WWP2: variants seen among roughly 807,000 people sequenced by gnomAD.
WWP2 encodes NEDD4-like E3 ubiquitin-protein ligase WWP2.
In WWP2, 57 loss-of-function variants were observed where a neutral mutation model predicts 121.0. The observed-to-expected ratio is 0.47, with a 90% CI of 0.38 to 0.59. The LOEUF is 0.59. Ranked by LOEUF, WWP2 falls within the 20% of genes least tolerant of loss-of-function variation. The probability of loss-of-function intolerance (pLI) is 0.00; values close to 1 mark genes in which losing one functional copy is unlikely to be tolerated. For synonymous variants in WWP2, 449 were observed against 441.3 expected (o/e 1.02, Z -0.22); for missense variants, 962 against 1,158.9 (o/e 0.83, Z 2.47).
intron 6 of WWP2, among the ~76,000 whole-genome samples, chr16:69,858,483 G>A (rs927843214): frequency 2.6e-5 from 4 of 152,072 alleles, no homozygotes; most frequent in Admixed American, 6.6e-5. Context: ...CCTGAGATGC[G>A]ATAATTTGAG....
chr16:69,837,623 G>A (rs1485965159), intron 4 of WWP2, among the ~76,000 whole-genome samples: 1 of 151,960 alleles, frequency 6.6e-6, no homozygotes, highest in Non-Finnish European at 1.5e-5. Context: ...CTCTCCTGTT[G>A]AACATTATCA....
intron 1 of WWP2, among the ~76,000 whole-genome samples, chr16:69,786,677 C>T (rs1367469616): frequency 1.3e-5 from 2 of 151,568 alleles, no homozygotes; most frequent in Non-Finnish European, 2.9e-5. Context: ...TCTCAAACTC[C>T]TGACCTCAGG....
chr16:69,920,977 G>A (rs963968730), intron 10 of WWP2, among the ~76,000 whole-genome samples: 1 of 151,976 alleles, frequency 6.6e-6, no homozygotes, highest in East Asian at 1.9e-4. Context: ...CATTATTCTG[G>A]GTTTATAGAG....
intron 7 of WWP2, among the ~76,000 whole-genome samples, chr16:69,880,816 C>T (rs1021076100): frequency 6.6e-6 from 1 of 152,188 alleles, no homozygotes; most frequent in Admixed American, 6.5e-5. Flanking sequence ...GTAGAAAGAA[C>T]TTCTGTTGTT....
intron 6 of WWP2, among the ~76,000 whole-genome samples, chr16:69,867,457 C>T (rs1222386444): frequency 6.6e-6 from 1 of 152,176 alleles, no homozygotes; most frequent in Admixed American, 6.5e-5. Flanking sequence ...TTCAGCGGCC[C>T]TCATGAAGGG....
chr16:69,939,509 C>A, intron 23 of WWP2, 96 bp downstream of exon 23: 2 of 1,351,676 alleles, frequency 1.5e-6, no homozygotes, highest in Non-Finnish European at 1.0e-6. Context: ...AGCCTCGAGT[C>A]TGGCAGCTTT....
At chr16:69,841,015 T>C (rs2056967564) in intron 5 of WWP2, among the ~76,000 whole-genome samples, 1 of 152,212 alleles carries the variant, frequency 6.6e-6, no homozygotes, top group Admixed American at 6.5e-5. Context: ...TTAACTGGAC[T>C]GATCGGTGTT....
At chr16:69,902,038 T>G (rs1157343029) in intron 8 of WWP2, among the ~76,000 whole-genome samples, 1 of 152,246 alleles carries the variant, frequency 6.6e-6, no homozygotes, top group Non-Finnish European at 1.5e-5. Flanking sequence ...TTAATCCTAT[T>G]CTTGGTGAAA....
intron 4 of WWP2, among the ~76,000 whole-genome samples, chr16:69,804,087 T>C (rs2056227209): frequency 6.6e-6 from 1 of 152,228 alleles, no homozygotes; most frequent in Non-Finnish European, 1.5e-5. Flanking sequence ...GAAAGAACTC[T>C]TTATTTGTTA....
intron 10 of WWP2, among the ~76,000 whole-genome samples, chr16:69,918,655 C>T (rs2058510545): frequency 6.6e-6 from 1 of 152,206 alleles, no homozygotes; most frequent in African/African-American, 2.4e-5. Context: ...TCTGCCCCTT[C>T]CCATCTGAAT....
At chr16:69,898,892 C>T (rs151115785) in intron 8 of WWP2, among the ~76,000 whole-genome samples, 49 of 152,216 alleles carry the variant, frequency 3.2e-4, no homozygotes, top group African/African-American at 9.4e-4. Flanking sequence ...TTAGTAGAGA[C>T]GGGAATTCAC....
At chr16:69,820,010 C>T (rs1017330321) in intron 4 of WWP2, among the ~76,000 whole-genome samples, 4 of 151,982 alleles carry the variant, frequency 2.6e-5, no homozygotes, top group African/African-American at 7.3e-5. Flanking sequence ...GAGGCTGAGG[C>T]GGGGGCAGGG....
chr16:69,834,289 C>G (rs903492236), intron 4 of WWP2, among the ~76,000 whole-genome samples: 2 of 152,166 alleles, frequency 1.3e-5, no homozygotes, highest in African/African-American at 4.8e-5. Flanking sequence ...GGCATGCTCT[C>G]TCACCTAGCA....
intron 4 of WWP2, among the ~76,000 whole-genome samples, chr16:69,820,316 A>T (rs2056569563): frequency 6.6e-6 from 1 of 152,130 alleles, no homozygotes. Context: ...ATCTCAGCTC[A>T]CTGCAACCTC....
intron 1 of WWP2, among the ~76,000 whole-genome samples, chr16:69,769,874 C>CTTTTT (rs71151134): frequency 9.8e-6 from 1 of 102,236 alleles, no homozygotes; most frequent in Non-Finnish European, 2.1e-5. Flanking sequence ...TGATCAGTGT[C>CTTTTT]TTTTTTTTTT....
intron 4 of WWP2, among the ~76,000 whole-genome samples, chr16:69,811,965 A>G (rs2056400117): frequency 6.6e-6 from 1 of 152,134 alleles, no homozygotes. Context: ...CTACAGTACA[A>G]TTAACAAAAC....
At chr16:69,801,621 C>T (rs935458375) in intron 4 of WWP2, among the ~76,000 whole-genome samples, 1 of 152,064 alleles carries the variant, frequency 6.6e-6, no homozygotes, top group Non-Finnish European at 1.5e-5. Flanking sequence ...GATCACAGCT[C>T]ACTGTAGCCT....
intron 4 of WWP2, among the ~76,000 whole-genome samples, chr16:69,835,865 C>T (rs1021190352): frequency 2.4e-4 from 36 of 150,688 alleles, no homozygotes; most frequent in South Asian, 8.4e-4. Flanking sequence ...TGTGGTGGCA[C>T]GATCCTGGCT....
rs1567697813 is a variant in WWP2 at position 69,842,064 on chromosome 16, A to G, written c.519A>G (p.Val173=). 1 of 1,613,570 alleles carries G rather than the reference A, an allele frequency of 6.2e-7. No homozygotes were observed. Among genetic ancestry groups the G allele is most frequent in the Non-Finnish European group, 8.5e-7 (1 of 1,179,862 alleles). ...LPSRDSSGTA[V]APENRHQPPS... Reference sequence around the variant, plus strand: ...CGAGAGACTCCAGTGGAACAGCAGTAGCTCCAGAGAACCGGCACCAGCCCC... The same window carrying G: ...CGAGAGACTCCAGTGGAACAGCAGTGGCTCCAGAGAACCGGCACCAGCCCC... Residue 173 remains valine, a synonymous_variant, in exon 6 of 24, where the codon GTA becomes GTG. Coordinates refer to ENST00000359154, the MANE Select transcript of WWP2 (RefSeq NM_001270454.2).
Sources: allele counts gnomAD v4.1 joint callset (sites outside exome capture counted in the v4.1 genomes callset), GRCh38; gene constraint gnomAD v4.1.1; transcripts MANE v1.5; gene names NCBI Gene and HGNC (gene_info 2026-07-23, HGNC 2026-07-21).